The following NPHP4 variants were observed in gnomAD, a reference collection of about 807,000 sequenced individuals.
NPHP4 encodes the protein nephrocystin-4.
In NPHP4, 151 loss-of-function variants were observed where a neutral mutation model predicts 155.8. The observed-to-expected ratio is 0.97, with a 90% CI of 0.85 to 1.11. The LOEUF is 1.11. NPHP4 is among the 50% of genes least tolerant of loss of function. The probability of loss-of-function intolerance (pLI) is 0.00; values close to 1 mark genes in which losing one functional copy is unlikely to be tolerated. For synonymous variants in NPHP4, 845 were observed against 816.8 expected, an observed-to-expected ratio of 1.03 and a Z score of -0.59; for missense variants, 1,956 against 1,925.7, an observed-to-expected ratio of 1.02 and a Z score of -0.29.
At chr1:5,931,744 A>G (rs1343959724) in intron 10 of NPHP4, among the ~76,000 whole-genome samples, 1 of 151,688 alleles carries the variant, frequency 6.6e-6, no homozygotes, top group East Asian at 1.9e-4. Flanking sequence ...AAAAAAAAAA[A>G]AAAAAAAAAA....
intron 16 of NPHP4, among the ~76,000 whole-genome samples, chr1:5,896,607 T>A (rs1644406831): frequency 6.6e-6 from 1 of 152,210 alleles, no homozygotes; most frequent in Non-Finnish European, 1.5e-5. Context: ...GAAGGAAATT[T>A]ATGAGAAAAA....
intron 11 of NPHP4, among the ~76,000 whole-genome samples, chr1:5,926,352 C>T (rs1178521756): frequency 6.6e-6 from 1 of 152,154 alleles, no homozygotes; most frequent in South Asian, 2.1e-4. Context: ...CCTGAAAGAC[C>T]ATGTTTATTA....
At chr1:5,904,572 C>T in intron 16 of NPHP4, 45 bp downstream of exon 16, 1 of 1,465,020 alleles carries the variant, frequency 6.8e-7, no homozygotes, top group Non-Finnish European at 9.4e-7. Flanking sequence ...ACACACACAA[C>T]TCAGTACAGA....
At chr1:5,980,067 A>C (rs960083669) in intron 2 of NPHP4, among the ~76,000 whole-genome samples, 1 of 151,984 alleles carries the variant, frequency 6.6e-6, no homozygotes, top group East Asian at 1.9e-4. Context: ...CCATCCCTGC[A>C]CCTCAGAGAC....
At chr1:5,979,042 C>T (rs373404181) in intron 2 of NPHP4, among the ~76,000 whole-genome samples, 19 of 148,444 alleles carry the variant, frequency 1.3e-4, no homozygotes, top group Middle Eastern at 3.4e-3. Context: ...CAGGCAGGAC[C>T]CTGCCCAGAG....
Position 5,952,827 on chromosome 1 carries a change from A to G in NPHP4, c.683T>C (p.Leu228Pro). The G allele has an allele frequency of 6.2e-7, 1 of 1,600,880 alleles. No homozygotes were observed. The highest frequency in any genetic ancestry group is 8.5e-7 in the Non-Finnish European group (1 of 1,173,960). Reference protein sequence around the residue: ...LPAHGESGDALRKPRLQKPIT... With the variant: ...LPAHGESGDAPRKPRLQKPIT... The stretch of plus-strand genomic sequence containing the variant: ...GGGCTTCTGGAGGCGAGGCTTTCGG[A>G]GAGCGTCGCCTGAAACAGTGAGGGT... Residue 228 changes from leucine to proline, a missense_variant, in exon 7 of 30, where the codon CTC becomes CCC. By Grantham distance (98) the Leu-to-Pro change is moderately conservative. Transcript: ENST00000378156.
At chr1:5,925,827 G>A (rs1384639953) in intron 11 of NPHP4, among the ~76,000 whole-genome samples, 1 of 152,186 alleles carries the variant, frequency 6.6e-6, no homozygotes, top group African/African-American at 2.4e-5. Flanking sequence ...GTGTTAGCCA[G>A]AACGGTCTCG....
chr1:5,948,191 C>T lies in NPHP4; in HGVS notation c.871G>A (p.Val291Met), dbSNP rs200938839. 5.6e-6 allele frequency: 9 copies of T among 1,610,416 alleles called. No individual in the cohort carries two copies. Among genetic ancestry groups the T allele is most frequent in the African/African-American group, 2.7e-5 (2 of 75,004 alleles). ...TGCACGAAGCCCAGACCATTGTGCA[C>T]GCCCACACGCAGGCGCCGCTCCAGG... is the stretch of plus-strand genomic sequence containing the variant. ...EILERRLRVG[V>M]HNGLGFVQRP... is the part of the protein sequence containing the mutation. Residue 291 changes from valine to methionine, a missense_variant, in exon 8 of 30, where the codon GTG becomes ATG. Coordinates refer to ENST00000378156, the MANE Select transcript of NPHP4 (RefSeq NM_015102.5).
At chr1:5,947,740 CCT>C (rs565458995) in intron 8 of NPHP4, among the ~76,000 whole-genome samples, 19 of 152,158 alleles carry the variant, frequency 1.2e-4, no homozygotes, top group South Asian at 2.1e-4. Flanking sequence ...CTTGCTGCCC[CCT>C]GACTCTCCGT....
chr1:5,988,189 G>T (rs1655760409), intron 1 of NPHP4, among the ~76,000 whole-genome samples: 1 of 152,354 alleles, frequency 6.6e-6, no homozygotes, highest in South Asian at 2.1e-4. Context: ...TCACATGGTG[G>T]AGACTCTGCT....
intron 3 of NPHP4, among the ~76,000 whole-genome samples, chr1:5,972,150 C>T (rs552144770): frequency 6.6e-6 from 1 of 152,374 alleles, no homozygotes; most frequent in Admixed American, 6.5e-5. Flanking sequence ...CCTCAGACAA[C>T]GCTGGGCAGC....
At chr1:5,873,883 C>CG in intron 22 of NPHP4, 2 of 218,604 alleles carry the variant, frequency 9.1e-6, no homozygotes, top group Non-Finnish European at 9.1e-6. Flanking sequence ...ACACTCCCTG[C>CG]ACATCTCACA....
At chr1:5,902,509 C>A (rs1644729399) in intron 16 of NPHP4, among the ~76,000 whole-genome samples, 1 of 152,264 alleles carries the variant, frequency 6.6e-6, no homozygotes. Flanking sequence ...AAACAAGAAG[C>A]ATGCCCTGTT....
At chr1:5,977,162 C>A (rs1029232102) in intron 3 of NPHP4, among the ~76,000 whole-genome samples, 1 of 152,146 alleles carries the variant, frequency 6.6e-6, no homozygotes, top group Non-Finnish European at 1.5e-5. Context: ...AGCAGCCAGG[C>A]ATGGGAAAGG....
rs1234888733 is a variant in NPHP4, at chr1:5,944,270, A to T, written c.1119+2834T>A. Among the ~76,000 whole-genome samples, 1 of 152,172 alleles carries T rather than the reference A, an allele frequency of 6.6e-6. No individual in the cohort carries two copies. Among genetic ancestry groups the T allele is most frequent in the Non-Finnish European group, 1.5e-5 (1 of 68,034 alleles). On this transcript the variant is annotated intron_variant, in intron 9 of 29. Transcript: ENST00000378156. This position sits in a 1 kb window ranked among gnomAD's most constrained non-coding sequence, Gnocchi z 4.3. ...GTCCTCACCAAAGACAAGGAGGAGGACGCTGCAGCCGGAAGGCACAACCAC... is the reference window on the plus strand; with the variant it reads ...GTCCTCACCAAAGACAAGGAGGAGGTCGCTGCAGCCGGAAGGCACAACCAC...
chr1:5,893,207 C>T (rs1001840314), intron 16 of NPHP4, among the ~76,000 whole-genome samples: 4 of 152,072 alleles, frequency 2.6e-5, no homozygotes, highest in African/African-American at 2.4e-5. Context: ...TCCCCGTGTG[C>T]GGCAACGAGA....
At chr1:5,930,085 G>C (rs947859014) in intron 10 of NPHP4, among the ~76,000 whole-genome samples, 2 of 152,138 alleles carry the variant, frequency 1.3e-5, no homozygotes, top group Non-Finnish European at 2.9e-5. Context: ...TTTATGTGCA[G>C]AGAATTGTTT....
intron 9 of NPHP4, among the ~76,000 whole-genome samples, chr1:5,940,749 A>G (rs1437888306): frequency 1.3e-5 from 2 of 152,224 alleles, no homozygotes; most frequent in Admixed American, 6.5e-5. Context: ...ATTGTTAAAA[A>G]TCTACATTTT....
At position 5,905,749 on chromosome 1, in the gene NPHP4, A is replaced by C; in HGVS notation, c.1646T>G (p.Leu549Arg). ...GGAGGTCTGGCTCAGGTCGGCTTCC[A>C]GGTGGGAGATACCGGCCTCCAACGG... is the stretch of plus-strand genomic sequence containing the variant. ...EFPLEAGISH[L>R]EADLSQTSLV... The change falls in exon 14 of 30, where the codon CTG becomes CGG. Residue 549 changes from leucine (L) to arginine (R), a missense_variant. Physicochemically the swap from Leu to Arg is moderately radical, Grantham distance 102. Transcript: ENST00000378156. The surrounding 1 kb of genome is among the most constrained non-coding windows in gnomAD (Gnocchi z 4.0). The C allele has an allele frequency of 1.2e-6, 2 of 1,612,254 alleles. No individual in the cohort carries two copies. The highest frequency in any genetic ancestry group is 1.7e-6 in the Non-Finnish European group (2 of 1,179,138).
Sources: gnomAD v4.1 joint callset for allele counts (sites outside exome capture counted in the v4.1 genomes callset) on GRCh38, gnomAD v4.1.1 for gene constraint, Gnocchi (gnomAD v3.1) non-coding constraint, MANE v1.5 for transcripts, NCBI Gene and HGNC (gene_info 2026-07-23, HGNC 2026-07-21) for gene names.